Variants in CNBD1 observed in about 807,000 individuals in gnomAD.
CNBD1 encodes cyclic nucleotide binding domain containing 1.
A neutral mutation model predicts 54.4 loss-of-function variants in CNBD1; 71 were observed. That is an observed-to-expected ratio of 1.30 (90% CI 1.08 to 1.59). CNBD1 has a LOEUF of 1.59. Ranked by LOEUF, CNBD1 falls within the 40% of genes most tolerant of loss-of-function variation. The pLI, the probability that CNBD1 is intolerant of heterozygous loss-of-function variation, is 0.00. For missense variants in CNBD1, 659 were observed against 518.0 expected (o/e 1.27, Z -2.64); for synonymous variants, 182 against 170.7 (o/e 1.07, Z -0.51).
chr8:87,094,245 C>T (rs908842520), intron 4 of CNBD1, among the ~76,000 whole-genome samples: 2 of 152,024 alleles, frequency 1.3e-5, no homozygotes, highest in Non-Finnish European at 2.9e-5. Flanking sequence ...CCCGTAGCAG[C>T]TGGTACAATT....
At position 86,997,825 on chromosome 8, in the gene CNBD1, G is replaced by T. The variant is rs141916213; in HGVS notation, c.431+58071G>T. Among the ~76,000 whole-genome samples the T allele has an allele frequency of 7.6e-3, 1,154 of 152,062 alleles. 16 individuals are homozygous for T. The highest frequency in any genetic ancestry group is 0.026 in the African/African-American group (1,067 of 41,480). The stretch of plus-strand genomic sequence containing the variant: ...AGCGGGTGGCTGTTCTTTTAGTAGG[G>T]CCTAATTTTTCTTGGTGGAAAGGTT... On this transcript the variant is annotated intron_variant, in intron 4 of 10. Coordinates refer to ENST00000518476, the MANE Select transcript of CNBD1 (RefSeq NM_173538.3).
At chr8:86,912,054 T>C (rs1225901028) in intron 3 of CNBD1, among the ~76,000 whole-genome samples, 4 of 152,236 alleles carry the variant, frequency 2.6e-5, no homozygotes, top group Non-Finnish European at 1.5e-5. Context: ...AAATGTGACA[T>C]TTTTATGGGG....
intron 3 of CNBD1, among the ~76,000 whole-genome samples, chr8:86,905,899 A>T (rs971657839): frequency 5.3e-5 from 8 of 152,172 alleles, no homozygotes; most frequent in Non-Finnish European, 1.0e-4. Context: ...TAAGTATCTT[A>T]TAGTGGATAT....
chr8:87,207,685 AT>A (rs1243765570), intron 5 of CNBD1, among the ~76,000 whole-genome samples: 9 of 152,064 alleles, frequency 5.9e-5, no homozygotes, highest in Non-Finnish European at 1.0e-4. Flanking sequence ...TTATACATTT[AT>A]TTTTTTCAAA....
intron 4 of CNBD1, among the ~76,000 whole-genome samples, chr8:87,199,195 A>G (rs777695578): frequency 2.0e-5 from 3 of 152,222 alleles, no homozygotes; most frequent in Non-Finnish European, 4.4e-5. Flanking sequence ...TCCAAACTAC[A>G]TCAATGGCAA....
intron 4 of CNBD1, among the ~76,000 whole-genome samples, chr8:87,057,978 C>T (rs1276879648): frequency 6.6e-6 from 1 of 152,096 alleles, no homozygotes; most frequent in Non-Finnish European, 1.5e-5. Flanking sequence ...CAAAGCAAGT[C>T]CCTTTTGCTT....
chr8:86,913,716 C>G (rs1392262588), intron 3 of CNBD1, among the ~76,000 whole-genome samples: 1 of 152,124 alleles, frequency 6.6e-6, no homozygotes, highest in Non-Finnish European at 1.5e-5. Flanking sequence ...ATGAAGTAGA[C>G]TTGTCCCGCT....
At chr8:86,873,383 G>A (rs1039242953) in intron 1 of CNBD1, among the ~76,000 whole-genome samples, 2 of 151,836 alleles carry the variant, frequency 1.3e-5, no homozygotes, top group East Asian at 1.9e-4. Flanking sequence ...TTACAGGTGT[G>A]AGCCACCACA....
At chr8:87,169,232 G>C (rs2130766659) in intron 4 of CNBD1, among the ~76,000 whole-genome samples, 1 of 152,172 alleles carries the variant, frequency 6.6e-6, no homozygotes. Flanking sequence ...CAGATATTGA[G>C]AAATATCTAT....
intron 2 of CNBD1, among the ~76,000 whole-genome samples, chr8:87,395,805 A>G (rs1001352249): frequency 6.6e-6 from 1 of 151,898 alleles, no homozygotes; most frequent in Non-Finnish European, 1.5e-5. Context: ...CTGGTGAGAG[A>G]TAATTGAATC....
chr8:86,965,727 A>G (rs1316387284), intron 4 of CNBD1, among the ~76,000 whole-genome samples: 1 of 152,102 alleles, frequency 6.6e-6, no homozygotes, highest in Non-Finnish European at 1.5e-5. Context: ...CTTGTTCTGT[A>G]TGCAGGAAGA....
At chr8:87,422,206 T>C (rs1313067352) in intron 2 of CNBD1, among the ~76,000 whole-genome samples, 1 of 147,532 alleles carries the variant, frequency 6.8e-6, no homozygotes, top group Non-Finnish European at 1.5e-5. Flanking sequence ...TTGCAAAAAT[T>C]TTTCCCATTT....
chr8:87,260,202 C>A (rs937900537), intron 6 of CNBD1, among the ~76,000 whole-genome samples: 3 of 152,118 alleles, frequency 2.0e-5, no homozygotes, highest in East Asian at 1.9e-4. Context: ...ATTTTTAGAG[C>A]TAATTACGAC....
intron 9 of CNBD1, 42 bp downstream of exon 9, chr8:87,351,836 T>C: frequency 7.2e-7 from 1 of 1,388,630 alleles, no homozygotes; most frequent in South Asian, 1.7e-5. Context: ...ATTAATCTAC[T>C]CTAAAGAATA....
At chr8:86,960,204 C>T (rs1257188863) in intron 4 of CNBD1, among the ~76,000 whole-genome samples, 1 of 152,168 alleles carries the variant, frequency 6.6e-6, no homozygotes, top group Non-Finnish European at 1.5e-5. Context: ...ACCCAGGAAG[C>T]ACAAGGGGTC....
At chr8:86,889,418 A>G (rs1472922728) in intron 2 of CNBD1, among the ~76,000 whole-genome samples, 2 of 152,166 alleles carry the variant, frequency 1.3e-5, no homozygotes, top group African/African-American at 2.4e-5. Flanking sequence ...AATTTAGGAA[A>G]AATGTATTTC....
rs752853520 is a variant in CNBD1 at position 87,206,118 on chromosome 8, C to G, written c.557C>G (p.Thr186Ser). 2 of 1,586,604 alleles carry G rather than the reference C, an allele frequency of 1.3e-6. No homozygotes were observed. The highest frequency in any genetic ancestry group is 2.3e-5 in the East Asian group (1 of 43,498). The stretch of plus-strand genomic sequence containing the variant: ...CTTAGTAAGACTGTCTTTTCCGAAA[C>G]CTGGTTGAAAGGCAGCACAGGTAAT... ...KTLSKTVFSE[T>S]WLKGSTVVAN... The change falls in exon 5 of 11, where the codon ACC (threonine) becomes AGC (serine). Residue 186 changes from threonine to serine, a missense_variant. Physicochemically the swap from Thr to Ser is moderately conservative, Grantham distance 58. Transcript: ENST00000518476.
chr8:87,370,454 G>T (rs899146261), intron 10 of CNBD1, among the ~76,000 whole-genome samples: 2 of 152,110 alleles, frequency 1.3e-5, no homozygotes, highest in Admixed American at 6.6e-5. Context: ...TTGTGGTTTT[G>T]ATTTGCATTT....
chr8:87,052,904 A>G (rs1810340132), intron 4 of CNBD1, among the ~76,000 whole-genome samples: 1 of 151,810 alleles, frequency 6.6e-6, no homozygotes, highest in Non-Finnish European at 1.5e-5. Flanking sequence ...CTTGAACCAT[A>G]GTGGCATCAT....
Sources: gnomAD v4.1 joint callset for allele counts (sites outside exome capture counted in the v4.1 genomes callset) on GRCh38, gnomAD v4.1.1 for gene constraint, MANE v1.5 for transcripts, NCBI Gene and HGNC (gene_info 2026-07-23, HGNC 2026-07-21) for gene names.